The following PVT1 variants were observed in gnomAD, a reference collection of about 807,000 sequenced individuals.
PVT1 encodes the protein CXCR4/PVT1 fusion.
At chr8:127,886,950 T>C (rs1308642920) in intron 2 of PVT1, among the ~76,000 whole-genome samples, 1 of 152,046 alleles carries the variant, frequency 6.6e-6, no homozygotes, top group Non-Finnish European at 1.5e-5. Context: ...CTCCAAAGAG[T>C]AGTGCTTTTT....
intron 3 of PVT1, among the ~76,000 whole-genome samples, chr8:127,957,606 G>C (rs1233025833): frequency 1.3e-5 from 2 of 149,684 alleles, no homozygotes; most frequent in African/African-American, 4.9e-5. Context: ...AGAAAAAAAA[G>C]TCTTCTGCAG....
At chr8:127,932,007 C>T (rs1816211754) in intron 3 of PVT1, among the ~76,000 whole-genome samples, 1 of 152,232 alleles carries the variant, frequency 6.6e-6, no homozygotes, top group Non-Finnish European at 1.5e-5. Flanking sequence ...GCCCCATTTC[C>T]TCCTCCCACC....
intron 4 of PVT1, among the ~76,000 whole-genome samples, chr8:128,036,227 C>A (rs931129558): frequency 3.5e-4 from 53 of 152,168 alleles, no homozygotes; most frequent in African/African-American, 1.3e-3. Context: ...GTTTGTCTGT[C>A]ATCTGATGTA....
In PVT1 at chr8:127,942,487, A is replaced by C. The variant is rs539722991; in HGVS notation, n.783-46675A>C. ...TCATGCATTGAAACTGATGTCACTC[A>C]CCTCTCCCCCTTGACCTGGAAGAGC... On this transcript the variant is annotated intron_variant and non_coding_transcript_variant, in intron 3 of 10. Coordinates refer to ENST00000651587, the Ensembl canonical transcript of PVT1. Among the ~76,000 whole-genome samples, 16 of 151,940 alleles carry C rather than the reference A, an allele frequency of 1.1e-4. 1 individual carries two copies. Among genetic ancestry groups the C allele is most frequent in the Admixed American group, 1.0e-3 (16 of 15,264 alleles).
intron 5 of PVT1, among the ~76,000 whole-genome samples, chr8:128,074,259 G>C (rs890939559): frequency 2.0e-5 from 3 of 152,096 alleles, no homozygotes; most frequent in African/African-American, 7.2e-5. Context: ...GTAATCCCAG[G>C]ACTTTGGAAG....
Position 127,860,784 on chromosome 8 carries a change from A to G in PVT1, n.373-29805A>G, listed in dbSNP as rs11782428. ...AATCTCAAAAAAAAAAAAAAAAAAA[A>G]GGAGAAGACAAGGCGACAACTGTGA... On this transcript the variant is annotated intron_variant and non_coding_transcript_variant, in intron 2 of 10. Coordinates refer to ENST00000651587, the Ensembl canonical transcript of PVT1. Among the ~76,000 whole-genome samples, 215 of 143,422 alleles carry G rather than the reference A, an allele frequency of 1.5e-3. 11 individuals are homozygous for G. The highest frequency in any genetic ancestry group is 3.7e-3 in the Middle Eastern group (1 of 270). 94.1% of individuals were successfully genotyped at this position (143,422 alleles called of 152,430 possible).
At chr8:127,849,917 G>A (rs1440947530) in intron 2 of PVT1, among the ~76,000 whole-genome samples, 2 of 140,068 alleles carry the variant, frequency 1.4e-5, no homozygotes, top group Non-Finnish European at 3.1e-5. Context: ...GTGCTCCTGC[G>A]TGCACGTGCG....
chr8:127,817,530 TATATATA>T (rs1814679005), intron 2 of PVT1, among the ~76,000 whole-genome samples: 1 of 14,970 alleles, frequency 6.7e-5, no homozygotes, highest in Non-Finnish European at 3.3e-4. Flanking sequence ...TCTATTTAAA[TATATATA>T]TATATATATA....
At chr8:127,985,073 G>T (rs1228029353) in intron 3 of PVT1, among the ~76,000 whole-genome samples, 1 of 131,580 alleles carries the variant, frequency 7.6e-6, no homozygotes, top group Non-Finnish European at 1.5e-5. Context: ...TCACTCTGTC[G>T]CCGAGGCTGG....
At chr8:127,861,640 A>G (rs765606785) in intron 2 of PVT1, among the ~76,000 whole-genome samples, 1 of 151,802 alleles carries the variant, frequency 6.6e-6, no homozygotes, top group Non-Finnish European at 1.5e-5. Flanking sequence ...TATCTTTTCC[A>G]TATTTCATTA....
At chr8:127,798,720 A>T (rs917342172) in intron 2 of PVT1, among the ~76,000 whole-genome samples, 1 of 135,778 alleles carries the variant, frequency 7.4e-6, no homozygotes, top group Non-Finnish European at 1.7e-5. Context: ...AAAAAAAAAA[A>T]AAAAAATTAG....
intron 4 of PVT1, among the ~76,000 whole-genome samples, chr8:128,007,880 T>C (rs1817265783): frequency 6.6e-6 from 1 of 152,264 alleles, no homozygotes; most frequent in African/African-American, 2.4e-5. Context: ...ACCACTGTCC[T>C]ACATCTGATC....
chr8:128,026,964 C>T (rs1219098396), intron 4 of PVT1, among the ~76,000 whole-genome samples: 3 of 152,146 alleles, frequency 2.0e-5, no homozygotes, highest in African/African-American at 7.2e-5. Flanking sequence ...CTGCCACCTC[C>T]CAGCCCCTCT....
At chr8:127,883,622 A>T (rs778438815) in intron 2 of PVT1, among the ~76,000 whole-genome samples, 11 of 151,460 alleles carry the variant, frequency 7.3e-5, no homozygotes, top group Non-Finnish European at 1.5e-4. Context: ...AAAGTATAAT[A>T]AAAAAAAATA....
At chr8:127,903,007 T>C (rs1258978573) in intron 3 of PVT1, among the ~76,000 whole-genome samples, 1 of 152,230 alleles carries the variant, frequency 6.6e-6, no homozygotes, top group Non-Finnish European at 1.5e-5. Context: ...CTGAGAAATC[T>C]CTAAACTGCT....
rs115445426 is a variant in PVT1 at position 127,936,945 on chromosome 8, A to G, written n.782+45947A>G. ...GGGACCGGCTGAAGCATAACTGTGT[A>G]TGTTCACATATGTGCCTTGGAAGAG... On this transcript the variant is annotated intron_variant and non_coding_transcript_variant, in intron 3 of 10. Coordinates refer to ENST00000651587, the Ensembl canonical transcript of PVT1. Among the ~76,000 whole-genome samples, 796 of 152,336 alleles carry G rather than the reference A, an allele frequency of 5.2e-3. 13 individuals carry two copies. Among genetic ancestry groups the G allele is most frequent in the African/African-American group, 0.018 (759 of 41,586 alleles).
chr8:128,033,795 C>T (rs1224576115), intron 4 of PVT1, among the ~76,000 whole-genome samples: 1 of 152,200 alleles, frequency 6.6e-6, no homozygotes, highest in African/African-American at 2.4e-5. Flanking sequence ...TCCCCTTCAC[C>T]ATGGCATAGC....
chr8:128,098,516 G>A (rs903655399), intron 6 of PVT1, among the ~76,000 whole-genome samples: 8 of 152,214 alleles, frequency 5.3e-5, no homozygotes, highest in Non-Finnish European at 8.8e-5. Flanking sequence ...TGGGGATGGA[G>A]ATTAGTACAT....
At chr8:127,969,050 A>G (rs746678801) in intron 3 of PVT1, among the ~76,000 whole-genome samples, 2 of 152,134 alleles carry the variant, frequency 1.3e-5, no homozygotes, top group African/African-American at 2.4e-5. Flanking sequence ...TTTTGCGACC[A>G]TTTGTACCCT....
Sources: allele counts gnomAD v4.1 joint callset (sites outside exome capture counted in the v4.1 genomes callset), GRCh38; gene constraint gnomAD v4.1.1; transcripts MANE v1.5; gene names NCBI Gene and HGNC (gene_info 2026-07-23, HGNC 2026-07-21).